The following PTPRB variants were observed in gnomAD, a reference collection of about 807,000 sequenced individuals.
PTPRB encodes protein tyrosine phosphatase receptor type B.
PTPRB carries 97 observed loss-of-function variants against 238.1 expected under a neutral mutation model. The ratio of observed to expected loss-of-function variants is 0.41; its 90% CI spans 0.35 to 0.48. The LOEUF is 0.48. Among genes scored for constraint, PTPRB ranks in the 20% least tolerant of loss-of-function variants. The pLI is 0.30. For missense variants in PTPRB, 2,292 were observed against 2,681.9 expected, an observed-to-expected ratio of 0.85 and a Z score of 3.21; for synonymous variants, 970 against 995.4, an observed-to-expected ratio of 0.97 and a Z score of 0.48.
chr12:70,548,727 A>G (rs1876455265), intron 21 of PTPRB, among the ~76,000 whole-genome samples: 1 of 152,186 alleles, frequency 6.6e-6, no homozygotes, highest in South Asian at 2.1e-4. Context: ...CCAGCCCAGC[A>G]CTTAGCACCC....
rs537010491 is a variant in PTPRB at position 70,619,621 on chromosome 12, C to T, written c.708+2769G>A. The stretch of plus-strand genomic sequence containing the variant: ...AAAGGAAGCTGGTGTAGCCTACTGG[C>T]AGATAAGAGGCCATGTGGAGGAGAA... On this transcript the variant is annotated intron_variant, in intron 3 of 33. Coordinates refer to ENST00000334414, the MANE Select transcript of PTPRB (RefSeq NM_001109754.4). 2.6e-5 allele frequency among the ~76,000 whole-genome samples: 4 copies of T among 152,220 alleles called. No individual in the cohort carries two copies. The East Asian group carries it at 7.7e-4, about 29-fold the overall frequency.
At chr12:70,575,582 C>T (rs1246688788) in intron 11 of PTPRB, among the ~76,000 whole-genome samples, 1 of 152,122 alleles carries the variant, frequency 6.6e-6, no homozygotes, top group Non-Finnish European at 1.5e-5. Context: ...AGGTCCTGCG[C>T]TAGGTAACAG....
intron 20 of PTPRB, among the ~76,000 whole-genome samples, chr12:70,554,456 C>T (rs2136305145): frequency 6.6e-6 from 1 of 152,284 alleles, no homozygotes; most frequent in Middle Eastern, 3.4e-3. Context: ...AAATACAACA[C>T]TCTTACAGGT....
chr12:70,538,313 T>A (rs1012082353), intron 27 of PTPRB, 82 bp from the exon 28 acceptor site: 1 of 1,162,724 alleles, frequency 8.6e-7, no homozygotes, highest in African/African-American at 1.5e-5. Context: ...TTAGCTCTGA[T>A]CCCCACAACA....
At chr12:70,565,803 C>A (rs980246365) in intron 15 of PTPRB, among the ~76,000 whole-genome samples, 4 of 152,108 alleles carry the variant, frequency 2.6e-5, no homozygotes, top group African/African-American at 9.7e-5. Flanking sequence ...ATGTTACCTT[C>A]TGTGGCAAAA....
chr12:70,524,989 G>GTGTATA (rs1555220202), intron 32 of PTPRB, among the ~76,000 whole-genome samples: 1 of 149,444 alleles, frequency 6.7e-6, no homozygotes, highest in Non-Finnish European at 1.5e-5. Flanking sequence ...GTGTGTGTGT[G>GTGTATA]TATATATATA....
rs1476450422 is a variant in PTPRB at position 70,520,888 on chromosome 12, G to C, written c.*601C>G. On this transcript the variant is annotated 3_prime_UTR_variant, in exon 34 of 34. Transcript: ENST00000334414. ...AATCCCTGGAAGGAGAAAGGAGAGA[G>C]AGAGCAACTAGTTCAGACACAAGCA... 6.6e-6 allele frequency: 1 copy of C among 152,420 alleles called. No individual in the cohort carries two copies. The highest frequency in any genetic ancestry group is 2.4e-5 in the African/African-American group (1 of 41,462). 9.4% of individuals were successfully genotyped at this position (152,420 alleles called of 1,614,324 possible).
chr12:70,555,342 G>C, intron 19 of PTPRB, 33 bp from the exon 20 acceptor site: 1 of 1,586,428 alleles, frequency 6.3e-7, no homozygotes, highest in Non-Finnish European at 8.6e-7. Context: ...AACCAAGAGG[G>C]GTCACAACTC....
intron 4 of PTPRB, among the ~76,000 whole-genome samples, chr12:70,598,850 T>G (rs1296822908): frequency 6.6e-6 from 1 of 152,216 alleles, no homozygotes; most frequent in Non-Finnish European, 1.5e-5. Flanking sequence ...AAATAAATTT[T>G]AAGGTTGCGT....
chr12:70,547,531 T>C (rs112777814), intron 21 of PTPRB, among the ~76,000 whole-genome samples: 55,510 of 145,080 alleles, frequency 0.38, 10,743 homozygotes, highest in Middle Eastern at 0.45. Context: ...CCTTTTTTTT[T>C]TTTTTTTTTT....
At chr12:70,522,272 G>C (rs1377983565) in intron 33 of PTPRB, among the ~76,000 whole-genome samples, 1 of 152,160 alleles carries the variant, frequency 6.6e-6, no homozygotes, top group Non-Finnish European at 1.5e-5. Flanking sequence ...AGAGATACCA[G>C]TCCACATGGC....
At chr12:70,558,153 G>T (rs1304966944) in intron 18 of PTPRB, among the ~76,000 whole-genome samples, 3 of 152,140 alleles carry the variant, frequency 2.0e-5, no homozygotes, top group Admixed American at 6.5e-5. Context: ...GCAATGGTCA[G>T]AAGTGTTTAG....
chr12:70,627,088 A>G (rs1011628737), intron 2 of PTPRB, among the ~76,000 whole-genome samples: 4 of 152,216 alleles, frequency 2.6e-5, no homozygotes, highest in Non-Finnish European at 5.9e-5. Context: ...ATACATTTCA[A>G]TAGCCAACTA....
chr12:70,567,633 C>T (rs2136358486), intron 14 of PTPRB, among the ~76,000 whole-genome samples: 1 of 152,274 alleles, frequency 6.6e-6, no homozygotes, highest in Non-Finnish European at 1.5e-5. Flanking sequence ...TGAGACCATA[C>T]ATTATTGCAA....
chr12:70,580,238 T>C (rs1190579472), intron 10 of PTPRB, among the ~76,000 whole-genome samples: 1 of 152,184 alleles, frequency 6.6e-6, no homozygotes, highest in African/African-American at 2.4e-5. Flanking sequence ...AGAAAAATTG[T>C]TTAGATAGCA....
intron 18 of PTPRB, 72 bp from the exon 19 acceptor site, chr12:70,556,220 C>A: frequency 7.4e-7 from 1 of 1,354,098 alleles, no homozygotes; most frequent in Non-Finnish European, 1.0e-6. Context: ...CCTTTGGGTC[C>A]AACTAGCTCT....
At chr12:70,587,357 G>T in intron 8 of PTPRB, 90 bp from the exon 9 acceptor site, 1 of 1,386,130 alleles carries the variant, frequency 7.2e-7, no homozygotes, top group East Asian at 2.4e-5. Flanking sequence ...CCATCCTTAA[G>T]CGTGTTTCAG....
chr12:70,562,375 G>A (rs568844744), intron 16 of PTPRB, among the ~76,000 whole-genome samples: 1 of 152,320 alleles, frequency 6.6e-6, no homozygotes, highest in African/African-American at 2.4e-5. Context: ...CCAGAGAGAT[G>A]TCTCTCACTT....
At chr12:70,637,071 C>T (rs999176998) in intron 1 of PTPRB, among the ~76,000 whole-genome samples, 1 of 152,106 alleles carries the variant, frequency 6.6e-6, no homozygotes, top group East Asian at 1.9e-4. Context: ...AACTTTTCCT[C>T]GGGGTTCTTT....
Sources: allele counts gnomAD v4.1 joint callset (sites outside exome capture counted in the v4.1 genomes callset), GRCh38; gene constraint gnomAD v4.1.1; transcripts MANE v1.5; gene names NCBI Gene and HGNC (gene_info 2026-07-23, HGNC 2026-07-21).